GIT2: variants seen among roughly 807,000 people sequenced by gnomAD.
The protein encoded by GIT2 is ARF GTPase-activating protein GIT2.
A neutral mutation model predicts 100.3 loss-of-function variants in GIT2; 32 were observed. The observed-to-expected ratio is 0.32, with a 90% CI of 0.24 to 0.43. GIT2 has a LOEUF of 0.43. Ranked by LOEUF, GIT2 falls within the 20% of genes least tolerant of loss-of-function variation. The probability of loss-of-function intolerance (pLI) is 1.00; values close to 1 mark genes in which losing one functional copy is unlikely to be tolerated. For missense variants in GIT2, 737 were observed against 975.1 expected (o/e 0.76, Z 3.25); for synonymous variants, 353 against 364.1 (o/e 0.97, Z 0.35).
chr12:109,958,384 C>A (rs1880140308), intron 12 of GIT2, among the ~76,000 whole-genome samples: 1 of 151,778 alleles, frequency 6.6e-6, no homozygotes, highest in South Asian at 2.1e-4. Context: ...TGGGATTATA[C>A]GCGCGTACCA....
At chr12:109,973,758 G>C (rs1219777357) in intron 7 of GIT2, among the ~76,000 whole-genome samples, 1 of 150,446 alleles carries the variant, frequency 6.6e-6, no homozygotes, top group Non-Finnish European at 1.5e-5. Flanking sequence ...TTAATAATTT[G>C]AGGCTAGGCG....
chr12:109,939,383 G>C, intron 16 of GIT2, 136 bp from the exon 17 acceptor site: 1 of 605,528 alleles, frequency 1.7e-6, no homozygotes, highest in South Asian at 1.8e-5. Context: ...CAACTCTCTA[G>C]TGAAAATTTA....
In GIT2 at chr12:109,962,449, GCT is replaced by G. The variant is rs1490501950; in HGVS notation, c.817-766_817-765del. ...ACTCAGACCTCAGCTGAGTTTCTTT[GCT>G]CTCTTTCTCAGTAGCAGTCCTACTG... On this transcript the variant is annotated intron_variant, in intron 9 of 19. Transcript: ENST00000355312. This position sits in a 1 kb window ranked among gnomAD's most constrained non-coding sequence, Gnocchi z 4.3. Among the ~76,000 whole-genome samples, 2 of 152,208 alleles carry G rather than the reference GCT, an allele frequency of 1.3e-5. No homozygotes were observed. Among genetic ancestry groups the G allele is most frequent in the Non-Finnish European group, 1.5e-5 (1 of 68,038 alleles).
At chr12:109,983,724 G>A (rs376748110) in intron 4 of GIT2, 30 bp from the exon 5 acceptor site, 45 of 1,426,946 alleles carry the variant, frequency 3.2e-5, no homozygotes, top group African/African-American at 1.1e-4. Context: ...AAAAGGAATC[G>A]TGGTTAGAGG....
rs993180518 is a variant in GIT2 at position 109,967,592 on chromosome 12, T to A, written c.719-89A>T. The A allele has an allele frequency of 4.4e-5, 41 of 922,150 alleles. No homozygotes were observed. In the African/African-American group the frequency reaches 6.0e-4, roughly 14 times the overall value. The allele number at this position is 922,150 out of a possible 1,614,324, so 57.1% of individuals were successfully genotyped here. A position where few individuals can be genotyped will look rare whatever the true frequency, so the allele number is the denominator to read the frequency against. ...TCACCATTATTTCCTCAAACTAAGTTTTGCGATTAGTATTTGTGCATAATG... is the reference window on the plus strand; with the variant it reads ...TCACCATTATTTCCTCAAACTAAGTATTGCGATTAGTATTTGTGCATAATG... On this transcript the variant is annotated intron_variant, in intron 7 of 19. Transcript: ENST00000355312.
At chr12:109,973,747 A>G (rs768563084) in intron 7 of GIT2, among the ~76,000 whole-genome samples, 3 of 150,964 alleles carry the variant, frequency 2.0e-5, no homozygotes, top group Non-Finnish European at 2.9e-5. Flanking sequence ...AGGAGCTTAT[A>G]TTAATAATTT....
chr12:109,948,861 A>C lies in GIT2; in HGVS notation c.1393-1357T>G. 3.2e-6 allele frequency: 5 copies of C among 1,563,372 alleles called. No homozygotes were observed. The highest frequency in any genetic ancestry group is 4.4e-6 in the Non-Finnish European group (5 of 1,137,552). Reference sequence around the variant, plus strand: ...TTTCCAAGCAACTGTTAAATGTGAAAGATCAGATACAAATCATGCTACTTT... The same window carrying C: ...TTTCCAAGCAACTGTTAAATGTGAACGATCAGATACAAATCATGCTACTTT... On this transcript the variant is annotated intron_variant, in intron 14 of 19. Transcript: ENST00000355312. The surrounding 1 kb of genome is among the most constrained non-coding windows in gnomAD (Gnocchi z 4.3).
In GIT2 at chr12:109,977,327, A is replaced by T. The variant is rs188548200; in HGVS notation, c.718+3625T>A. On this transcript the variant is annotated intron_variant, in intron 7 of 19. Transcript: ENST00000355312. ...GGAATTCAAGACCAGCCTGGGCAAC[A>T]TGGTGAAACCCCATCTCTACAAAAA... 6.3e-3 allele frequency among the ~76,000 whole-genome samples: 964 copies of T among 152,282 alleles called. 12 individuals carry two copies. Among genetic ancestry groups the T allele is most frequent in the Non-Finnish European group, 0.011 (740 of 68,024 alleles).
At position 109,951,164 on chromosome 12, in the gene GIT2, T is replaced by C; in HGVS notation, c.1392+3A>G. The C allele has an allele frequency of 6.2e-7, 1 of 1,612,268 alleles. No homozygotes were observed. The highest frequency in any genetic ancestry group is 1.3e-5 in the African/African-American group (1 of 75,018). On this transcript the variant is annotated splice_donor_region_variant and intron_variant, in intron 14 of 19. Coordinates refer to ENST00000355312, the MANE Select transcript of GIT2 (RefSeq NM_057169.5). ...ACCGTCCTGGCATTTATTAACATGT[T>C]ACCTTTTTCTGCATAATTCTCAGCT... is the stretch of plus-strand genomic sequence containing the variant.
chr12:109,986,256 G>A (rs1887359496), intron 4 of GIT2, among the ~76,000 whole-genome samples: 1 of 151,990 alleles, frequency 6.6e-6, no homozygotes, highest in Admixed American at 6.6e-5. Flanking sequence ...AAAACTTCAG[G>A]CCAAAATCCA....
chr12:109,967,495 T>C lies in GIT2; in HGVS notation c.727A>G (p.Asn243Asp). 11 of 1,601,212 alleles carry C rather than the reference T, an allele frequency of 6.9e-6. No homozygotes were observed. The highest frequency in any genetic ancestry group is 9.4e-6 in the Non-Finnish European group (11 of 1,168,422). ...TGAGGTATTATAAAGTGCTGTCCAT[T>C]TTTGTGATCTGAAACAGAAACCAAG... ...YLCGRKPDHK[N>D]GQHFIIPQMA... The change falls in exon 8 of 20, where the codon AAT becomes GAT. Residue 243 changes from asparagine to aspartate, a missense_variant. Coordinates refer to ENST00000355312, the MANE Select transcript of GIT2 (RefSeq NM_057169.5).
At chr12:109,979,062 AAGCAATC>A (rs894730762) in intron 7 of GIT2, among the ~76,000 whole-genome samples, 4 of 152,238 alleles carry the variant, frequency 2.6e-5, no homozygotes, top group African/African-American at 9.6e-5. Context: ...AGAAAAAGAC[AAGCAATC>A]AGGATCCCCC....
At chr12:109,984,982 T>C (rs998605423) in intron 4 of GIT2, among the ~76,000 whole-genome samples, 8 of 152,316 alleles carry the variant, frequency 5.3e-5, no homozygotes, top group Admixed American at 2.0e-4. Flanking sequence ...AGGCCCGTGA[T>C]ATACCGAATT....
At chr12:109,965,203 G>A (rs996987263) in intron 9 of GIT2, among the ~76,000 whole-genome samples, 7 of 152,142 alleles carry the variant, frequency 4.6e-5, no homozygotes, top group Non-Finnish European at 8.8e-5. Context: ...CCAAGAACGC[G>A]TGCCCTACTT....
chr12:109,972,654 G>A (rs1884183398), intron 7 of GIT2, among the ~76,000 whole-genome samples: 1 of 151,464 alleles, frequency 6.6e-6, no homozygotes, highest in African/African-American at 2.4e-5. Flanking sequence ...GTAGAGACGG[G>A]GTTTCACCAT....
At chr12:109,996,970 G>C (rs936604173), upstream of GIT2, among the ~76,000 whole-genome samples, 24 of 151,454 alleles carry the variant, frequency 1.6e-4, no homozygotes, top group African/African-American at 5.3e-4. Context: ...CCAGCACTTT[G>C]GGAGGCCGAG....
At position 109,933,141 on chromosome 12, in the gene GIT2, C is replaced by T. The variant is rs186643308; in HGVS notation, c.2117G>A (p.Ser706Asn). The change falls in exon 20 of 20, where the codon AGT (serine) becomes AAT (asparagine). Residue 706 changes from serine (S) to asparagine (N), a missense_variant. By Grantham distance (46) the Ser-to-Asn change is conservative. This residue lies in a region of GIT2 where 451 missense variants were observed against 543.7 expected (regional missense o/e 0.83). Transcript: ENST00000355312. This position sits in a 1 kb window ranked among gnomAD's most constrained non-coding sequence, Gnocchi z 4.5. ...VRTSLRLLTSSAYRLQSECKK... is the reference protein window; with the variant it reads ...VRTSLRLLTSNAYRLQSECKK... ...GCACTCTGACTGCAGTCGGTAGGCA[C>T]TGGACGTCAGTAAACGAAGGGAAGT... 5 of 1,600,962 alleles carry T rather than the reference C, an allele frequency of 3.1e-6. No homozygotes were observed. The African/African-American group carries it at 4.0e-5, about 13-fold the overall frequency.
intron 7 of GIT2, among the ~76,000 whole-genome samples, chr12:109,968,543 C>T (rs920167132): frequency 3.3e-5 from 5 of 152,160 alleles, no homozygotes; most frequent in African/African-American, 1.2e-4. Context: ...TCTGCCTCAG[C>T]TTCCTGAGTA....
At chr12:109,945,938 CA>C (rs1333682786) in intron 15 of GIT2, among the ~76,000 whole-genome samples, 8 of 152,064 alleles carry the variant, frequency 5.3e-5, no homozygotes, top group Middle Eastern at 3.4e-3. Context: ...AGTTTGAGAC[CA>C]GCCTGGGCAA....
Sources: allele counts gnomAD v4.1 joint callset (sites outside exome capture counted in the v4.1 genomes callset), GRCh38; gene constraint gnomAD v4.1.1; regional missense constraint gnomAD v4.1.1; non-coding constraint Gnocchi (gnomAD v3.1); transcripts MANE v1.5; gene names NCBI Gene and HGNC (gene_info 2026-07-23, HGNC 2026-07-21).